TMEM132D: variants seen among roughly 807,000 people sequenced by gnomAD.
The protein encoded by TMEM132D is mature OL transmembrane protein.
TMEM132D carries 21 observed loss-of-function variants against 62.3 expected under a neutral mutation model. The ratio of observed to expected loss-of-function variants is 0.34; its 90% CI spans 0.24 to 0.49. The LOEUF is 0.49. TMEM132D is among the 20% of genes least tolerant of loss of function. The pLI, the probability that TMEM132D is intolerant of heterozygous loss-of-function variation, is 0.99. For missense variants in TMEM132D, 1,346 were observed against 1,402.8 expected, an observed-to-expected ratio of 0.96 and a Z score of 0.65; for synonymous variants, 621 against 575.6, an observed-to-expected ratio of 1.08 and a Z score of -1.13.
chr12:129,794,995 A>C (rs947994712), intron 1 of TMEM132D, among the ~76,000 whole-genome samples: 1 of 152,218 alleles, frequency 6.6e-6, no homozygotes, highest in African/African-American at 2.4e-5. Flanking sequence ...CTTTGGCACC[A>C]GCCTACCCAG....
intron 3 of TMEM132D, among the ~76,000 whole-genome samples, chr12:129,383,439 A>G (rs1469866044): frequency 6.6e-6 from 1 of 152,032 alleles, no homozygotes; most frequent in Non-Finnish European, 1.5e-5. Context: ...TTTCATGTCA[A>G]TCCTCTAGAT....
chr12:129,332,787 C>T (rs780501290), intron 4 of TMEM132D, among the ~76,000 whole-genome samples: 1 of 151,908 alleles, frequency 6.6e-6, no homozygotes, highest in Admixed American at 6.6e-5. Flanking sequence ...AGTAAGAGTA[C>T]CTGCAATATG....
chr12:129,687,187 A>G (rs1277644014), intron 2 of TMEM132D, among the ~76,000 whole-genome samples: 3 of 152,186 alleles, frequency 2.0e-5, no homozygotes, highest in Admixed American at 2.0e-4. Flanking sequence ...ACAGAAGTTT[A>G]TGTAACATAA....
intron 3 of TMEM132D, among the ~76,000 whole-genome samples, chr12:129,347,168 A>T (rs990539402): frequency 5.3e-5 from 8 of 152,182 alleles, no homozygotes; most frequent in Non-Finnish European, 1.2e-4. Flanking sequence ...ATCCCCATCA[A>T]GCTACCATTG....
At chr12:129,489,578 C>T (rs1874699141) in intron 3 of TMEM132D, among the ~76,000 whole-genome samples, 1 of 152,146 alleles carries the variant, frequency 6.6e-6, no homozygotes, top group African/African-American at 2.4e-5. Context: ...TGTTATTTGG[C>T]CTTGGCCTTT....
At chr12:129,578,973 A>G (rs265639) in intron 2 of TMEM132D, among the ~76,000 whole-genome samples, 134,677 of 152,212 alleles carry the variant, frequency 0.88, 59,681 homozygotes, top group East Asian at 0.99. Context: ...GGCATCCCAC[A>G]GTCCAGTCAT....
intron 4 of TMEM132D, among the ~76,000 whole-genome samples, chr12:129,322,567 A>G (rs976194315): frequency 6.6e-6 from 1 of 152,046 alleles, no homozygotes; most frequent in Non-Finnish European, 1.5e-5. Flanking sequence ...GTTTATTACT[A>G]TCTCCCAATT....
At chr12:129,448,178 T>C (rs1471471477) in intron 3 of TMEM132D, among the ~76,000 whole-genome samples, 1 of 152,182 alleles carries the variant, frequency 6.6e-6, no homozygotes, top group African/African-American at 2.4e-5. Flanking sequence ...GTGCCCATTA[T>C]GTTTGACGGA....
intron 5 of TMEM132D, among the ~76,000 whole-genome samples, chr12:129,116,873 C>A (rs1488155793): frequency 8.2e-6 from 1 of 122,694 alleles, no homozygotes; most frequent in Admixed American, 1.1e-4. Context: ...TTCAACCAAG[C>A]AACTGTCCTC....
chr12:129,123,499 G>A (rs1235075191), intron 5 of TMEM132D, among the ~76,000 whole-genome samples: 3 of 152,100 alleles, frequency 2.0e-5, no homozygotes, highest in Non-Finnish European at 4.4e-5. Context: ...CCTCCTCTCT[G>A]TTCTGTCTAT....
chr12:129,836,535 C>A (rs367607561), intron 1 of TMEM132D, among the ~76,000 whole-genome samples: 1 of 151,562 alleles, frequency 6.6e-6, no homozygotes, highest in African/African-American at 2.4e-5. Flanking sequence ...TGTGTGTGTA[C>A]CCCGAATACT....
intron 2 of TMEM132D, among the ~76,000 whole-genome samples, chr12:129,563,966 A>T (rs902821272): frequency 6.6e-6 from 1 of 152,116 alleles, no homozygotes; most frequent in Non-Finnish European, 1.5e-5. Context: ...ACAGAATCAA[A>T]CTCCTGGCTG....
chr12:129,580,588 C>T (rs1183310777), intron 2 of TMEM132D, among the ~76,000 whole-genome samples: 1 of 152,100 alleles, frequency 6.6e-6, no homozygotes, highest in Non-Finnish European at 1.5e-5. Flanking sequence ...CCTGTAGACC[C>T]AGCTACTCAG....
chr12:129,658,675 G>A (rs1880160243), intron 2 of TMEM132D, among the ~76,000 whole-genome samples: 1 of 152,152 alleles, frequency 6.6e-6, no homozygotes, highest in Non-Finnish European at 1.5e-5. Flanking sequence ...TGAAGCTTCA[G>A]CCTAATTCCT....
chr12:129,402,309 A>C (rs1871647069), intron 3 of TMEM132D, among the ~76,000 whole-genome samples: 1 of 152,138 alleles, frequency 6.6e-6, no homozygotes, highest in African/African-American at 2.4e-5. Context: ...TCTAGAAACA[A>C]ACCTTTGTTT....
At chr12:129,339,142 G>A (rs1869385013) in intron 3 of TMEM132D, among the ~76,000 whole-genome samples, 1 of 152,122 alleles carries the variant, frequency 6.6e-6, no homozygotes. Context: ...GTGGTGGCAT[G>A]TGCCTATAAT....
chr12:129,748,300 A>T (rs1426070402), intron 1 of TMEM132D, among the ~76,000 whole-genome samples: 1 of 152,084 alleles, frequency 6.6e-6, no homozygotes, highest in African/African-American at 2.4e-5. Context: ...GGGAGTCAAA[A>T]GCATGAAGAT....
chr12:129,771,749 CT>C (rs1309673956), intron 1 of TMEM132D, among the ~76,000 whole-genome samples: 1 of 152,192 alleles, frequency 6.6e-6, no homozygotes, highest in Non-Finnish European at 1.5e-5. Flanking sequence ...CTACCCTTGC[CT>C]TTGAATACAG....
chr12:129,147,539 A>G (rs1259908519), intron 5 of TMEM132D, among the ~76,000 whole-genome samples: 1 of 152,110 alleles, frequency 6.6e-6, no homozygotes, highest in Non-Finnish European at 1.5e-5. Flanking sequence ...TCCAGTTTCC[A>G]ATGCTGTCAA....
Sources: allele counts gnomAD v4.1 joint callset (sites outside exome capture counted in the v4.1 genomes callset), GRCh38; gene constraint gnomAD v4.1.1; transcripts MANE v1.5; gene names NCBI Gene and HGNC (gene_info 2026-07-23, HGNC 2026-07-21).